DPYS: variants seen among roughly 807,000 people sequenced by gnomAD.
DPYS encodes dihydropyrimidine amidohydrolase.
In DPYS, 39 loss-of-function variants were observed where a neutral mutation model predicts 50.3. The observed-to-expected ratio is 0.78, with a 90% CI of 0.60 to 1.01. DPYS has a LOEUF of 1.01. Ranked by LOEUF, DPYS falls within the 50% of genes least tolerant of loss-of-function variation. The pLI is 0.00. For missense variants in DPYS, 659 were observed against 680.9 expected (o/e 0.97, Z 0.36); for synonymous variants, 245 against 250.7 (o/e 0.98, Z 0.22).
intron 1 of DPYS, among the ~76,000 whole-genome samples, chr8:104,465,772 G>T (rs1814355671): frequency 6.6e-6 from 1 of 152,206 alleles, no homozygotes; most frequent in African/African-American, 2.4e-5. Context: ...GCGGCCTACA[G>T]GTTGGACAAG....
chr8:104,457,244 A>G (rs980543637), intron 1 of DPYS, among the ~76,000 whole-genome samples: 1 of 152,178 alleles, frequency 6.6e-6, no homozygotes, highest in African/African-American at 2.4e-5. Flanking sequence ...TGACCTGATA[A>G]CCGAGCCAAC....
chr8:104,447,503 C>A lies in DPYS; in HGVS notation c.424G>T (p.Val142Phe), dbSNP rs769028670. ...HVAVTWWSDQ[V>F]KEEMKILVQD... Reference sequence around the variant, plus strand: ...ACAAGGATTTTCATTTCTTCTTTAACCTAAAAGGAAGCAGCAACCATAACA... The same window carrying A: ...ACAAGGATTTTCATTTCTTCTTTAAACTAAAAGGAAGCAGCAACCATAACA... Residue 142 changes from valine to phenylalanine, a missense_variant and splice_region_variant, in exon 3 of 10, where the codon GTT (valine) becomes TTT (phenylalanine). By Grantham distance (50) the Val-to-Phe change is conservative. Coordinates refer to ENST00000351513, the MANE Select transcript of DPYS (RefSeq NM_001385.3). 1 of 1,614,030 alleles carries A rather than the reference C, an allele frequency of 6.2e-7. No homozygotes were observed. Among genetic ancestry groups the A allele is most frequent in the Non-Finnish European group, 8.5e-7 (1 of 1,180,000 alleles).
intron 2 of DPYS, among the ~76,000 whole-genome samples, chr8:104,449,819 C>T (rs2853179): frequency 0.69 from 104,941 of 152,036 alleles, 36,887 homozygotes; most frequent in Non-Finnish European, 0.77. Flanking sequence ...CCTCAGAGCC[C>T]TCAGAAGGAA....
intron 7 of DPYS, among the ~76,000 whole-genome samples, chr8:104,407,326 C>T (rs1180512361): frequency 6.6e-6 from 1 of 152,112 alleles, no homozygotes; most frequent in Non-Finnish European, 1.5e-5. Flanking sequence ...GAGCTAAATG[C>T]ACATTTATAT....
At chr8:104,442,464 ATAAT>A (rs1233239137) in intron 4 of DPYS, among the ~76,000 whole-genome samples, 3 of 152,238 alleles carry the variant, frequency 2.0e-5, no homozygotes, top group Non-Finnish European at 4.4e-5. Context: ...AACAAAGGAA[ATAAT>A]TATAGACCGA....
intron 4 of DPYS, among the ~76,000 whole-genome samples, chr8:104,434,666 GT>G (rs1306965324): frequency 6.6e-6 from 1 of 152,174 alleles, no homozygotes; most frequent in East Asian, 1.9e-4. Context: ...ATCTAGCCCA[GT>G]TTACTGTGAG....
chr8:104,460,589 G>T (rs935633419), intron 1 of DPYS, among the ~76,000 whole-genome samples: 5 of 152,078 alleles, frequency 3.3e-5, no homozygotes, highest in Non-Finnish European at 7.4e-5. Context: ...AAATACCCAG[G>T]CCAGACATGT....
chr8:104,437,538 C>T (rs1813193129), intron 4 of DPYS, among the ~76,000 whole-genome samples: 1 of 152,096 alleles, frequency 6.6e-6, no homozygotes, highest in South Asian at 2.1e-4. Context: ...ACAATATGGC[C>T]TAAAAAAATG....
intron 6 of DPYS, among the ~76,000 whole-genome samples, chr8:104,425,546 C>T (rs1317357): frequency 0.37 from 55,826 of 151,368 alleles, 10,726 homozygotes; most frequent in East Asian, 0.45. Context: ...CCTAACACTT[C>T]GGGAGGCCGA....
intron 7 of DPYS, chr8:104,418,933 C>A (rs192705864): frequency 1.8e-5 from 16 of 865,174 alleles, no homozygotes; most frequent in Non-Finnish European, 2.1e-5. Flanking sequence ...CCTCAGCCTG[C>A]GGCTTGCCGA....
At chr8:104,415,451 C>A (rs1210516336) in intron 7 of DPYS, among the ~76,000 whole-genome samples, 1 of 152,156 alleles carries the variant, frequency 6.6e-6, no homozygotes, top group Non-Finnish European at 1.5e-5. Context: ...CCCTAGAAAT[C>A]ATTTCTAGTT....
rs1812798787 is a variant in DPYS, at chr8:104,428,090, A to C, written c.982T>G (p.Cys328Gly). ...DDLTTTGTDNCTFNTCQKALG... is the reference protein window; with the variant it reads ...DDLTTTGTDNGTFNTCQKALG... ...GCTTTCTGGCAGGTGTTGAAAGTGC[A>C]GTTATCAGTCCCTGTTGTGGTTAGA... The change falls in exon 6 of 10, where the codon TGC (cysteine) becomes GGC (glycine). Residue 328 changes from cysteine to glycine, a missense_variant. Physicochemically the swap from Cys to Gly is radical, Grantham distance 159. Coordinates refer to ENST00000351513, the MANE Select transcript of DPYS (RefSeq NM_001385.3). 1 of 1,614,128 alleles carries C rather than the reference A, an allele frequency of 6.2e-7. No individual in the cohort carries two copies. The highest frequency in any genetic ancestry group is 1.3e-5 in the African/African-American group (1 of 74,942).
intron 4 of DPYS, among the ~76,000 whole-genome samples, chr8:104,439,617 T>C (rs1588445908): frequency 1.3e-5 from 2 of 152,216 alleles, no homozygotes; most frequent in Admixed American, 1.3e-4. Flanking sequence ...ACTTCATTTC[T>C]ACAAAAAAAT....
At position 104,399,313 on chromosome 8, in the gene DPYS, ACAAC is replaced by A. The variant is rs768603026; in HGVS notation, c.1236-6326_1236-6323del. Among the ~76,000 whole-genome samples the A allele has an allele frequency of 8.9e-5, 10 of 112,062 alleles. 2 individuals are homozygous for A. Among genetic ancestry groups the A allele is most frequent in the South Asian group, 3.0e-4 (1 of 3,338 alleles). The allele number at this position is 112,062 out of a possible 152,430, so 73.5% of individuals were successfully genotyped here. A position where few individuals can be genotyped will look rare whatever the true frequency, so the allele number is the denominator to read the frequency against. Reference sequence around the variant, plus strand: ...CTCAAAAAAAAAAAAAAAAAAAACAACAACAAAAAAAAACCAAGAAAACCCACAT... The same window carrying A: ...CTCAAAAAAAAAAAAAAAAAAAACAAAAAAAAAAACCAAGAAAACCCACAT... On this transcript the variant is annotated intron_variant, in intron 7 of 9. Transcript: ENST00000351513.
intron 5 of DPYS, among the ~76,000 whole-genome samples, chr8:104,428,886 A>G (rs1812838062): frequency 6.6e-6 from 1 of 151,196 alleles, no homozygotes; most frequent in Non-Finnish European, 1.5e-5. Flanking sequence ...GTTGGAGTGC[A>G]GTGGCACTAT....
intron 7 of DPYS, among the ~76,000 whole-genome samples, chr8:104,405,344 C>T (rs1470992574): frequency 6.6e-6 from 1 of 152,222 alleles, no homozygotes; most frequent in South Asian, 2.1e-4. Context: ...TGACCCCACT[C>T]TATTCTCCTG....
chr8:104,453,529 T>C (rs1813826507), intron 1 of DPYS, among the ~76,000 whole-genome samples: 1 of 152,216 alleles, frequency 6.6e-6, no homozygotes, highest in African/African-American at 2.4e-5. Context: ...GAACTATTCT[T>C]TGTATTCTTT....
chr8:104,455,765 C>T (rs1179635224), intron 1 of DPYS, among the ~76,000 whole-genome samples: 12 of 152,094 alleles, frequency 7.9e-5, no homozygotes, highest in Admixed American at 4.6e-4. Flanking sequence ...TGCACGAACA[C>T]AAAACCACAC....
At chr8:104,398,961 C>T (rs540803289) in intron 7 of DPYS, among the ~76,000 whole-genome samples, 2 of 152,252 alleles carry the variant, frequency 1.3e-5, no homozygotes, top group South Asian at 2.1e-4. Flanking sequence ...GATGAGCAGG[C>T]CATGCTTTGA....
Sources: allele counts gnomAD v4.1 joint callset (sites outside exome capture counted in the v4.1 genomes callset), GRCh38; gene constraint gnomAD v4.1.1; transcripts MANE v1.5; gene names NCBI Gene and HGNC (gene_info 2026-07-23, HGNC 2026-07-21).